RALGPS1: variants seen among roughly 807,000 people sequenced by gnomAD.
RALGPS1 encodes ras-specific guanine nucleotide-releasing factor RalGPS1.
In RALGPS1, 19 loss-of-function variants were observed where a neutral mutation model predicts 78.8. That is an observed-to-expected ratio of 0.24 (90% CI 0.17 to 0.35). The LOEUF (loss-of-function observed/expected upper bound fraction) is 0.35. RALGPS1 is among the 10% of genes least tolerant of loss of function. The pLI, the probability that RALGPS1 is intolerant of heterozygous loss-of-function variation, is 1.00. For synonymous variants in RALGPS1, 228 were observed against 256.3 expected (o/e 0.89, Z 1.06); for missense variants, 454 against 688.3 (o/e 0.66, Z 3.81).
At chr9:127,032,232 A>G (rs2134568749) in intron 4 of RALGPS1, among the ~76,000 whole-genome samples, 1 of 152,334 alleles carries the variant, frequency 6.6e-6, no homozygotes, top group Middle Eastern at 3.4e-3. Context: ...GAAGATAAGC[A>G]TTGTGCAGCT....
At chr9:127,210,585 C>T (rs1376419214) in intron 14 of RALGPS1, 6 of 788,284 alleles carry the variant, frequency 7.6e-6, no homozygotes, top group Admixed American at 4.4e-5. Context: ...GGAGGTTGCT[C>T]TGCGGGACTT....
chr9:126,924,759 C>G (rs762313777), intron 1 of RALGPS1, among the ~76,000 whole-genome samples: 2 of 152,258 alleles, frequency 1.3e-5, no homozygotes, highest in Non-Finnish European at 2.9e-5. Context: ...ATCTGGCCAT[C>G]CATCCATCCA....
intron 5 of RALGPS1, among the ~76,000 whole-genome samples, chr9:127,041,065 G>GTGTGTGTGTA (rs2047267771): frequency 1.3e-5 from 2 of 151,220 alleles, no homozygotes; most frequent in African/African-American, 2.4e-5. Context: ...GTGTGTGTGT[G>GTGTGTGTGTA]TATGTACTAA....
chr9:127,216,483 T>C (rs2131024870), intron 18 of RALGPS1, among the ~76,000 whole-genome samples: 1 of 152,346 alleles, frequency 6.6e-6, no homozygotes, highest in East Asian at 1.9e-4. Flanking sequence ...TGGAAGCCTC[T>C]GTGACCCTTA....
Position 127,056,942 on chromosome 9 carries a change from A to G in RALGPS1, c.483+4003A>G, listed in dbSNP as rs1460756507. On this transcript the variant is annotated intron_variant, in intron 7 of 18. Coordinates refer to ENST00000259351, the MANE Select transcript of RALGPS1 (RefSeq NM_014636.3). ...TGGGACTGGGGAGACCTCATGTGCC[A>G]CAGAGTAGGGAGGTGCAGGTGGCAT... 3.3e-5 allele frequency among the ~76,000 whole-genome samples: 5 copies of G among 152,172 alleles called. No individual in the cohort carries two copies. In the East Asian group the frequency reaches 9.6e-4, roughly 29 times the overall value.
intron 11 of RALGPS1, among the ~76,000 whole-genome samples, chr9:127,175,777 C>T (rs1436056163): frequency 6.6e-6 from 1 of 150,714 alleles, no homozygotes; most frequent in Non-Finnish European, 1.5e-5. Context: ...ATTTGGAAGG[C>T]ACTCGGCTCA....
At chr9:127,003,211 A>G (rs2043511048) in intron 4 of RALGPS1, among the ~76,000 whole-genome samples, 1 of 152,182 alleles carries the variant, frequency 6.6e-6, no homozygotes, top group African/African-American at 2.4e-5. Context: ...ATGGGATCTA[A>G]TTAAACTAAA....
intron 8 of RALGPS1, among the ~76,000 whole-genome samples, chr9:127,104,428 C>T (rs1156763000): frequency 4.6e-5 from 7 of 152,230 alleles, no homozygotes; most frequent in Non-Finnish European, 8.8e-5. Context: ...CTGGAGCCTT[C>T]CTCTTCTAAT....
chr9:127,000,455 C>G (rs2043184161), intron 4 of RALGPS1, among the ~76,000 whole-genome samples: 1 of 147,764 alleles, frequency 6.8e-6, no homozygotes, highest in African/African-American at 2.5e-5. Context: ...GACCCATGAA[C>G]TATTAAAGAT....
chr9:127,012,775 G>C (rs185867917), intron 4 of RALGPS1, among the ~76,000 whole-genome samples: 127 of 152,258 alleles, frequency 8.3e-4, no homozygotes, highest in African/African-American at 3.0e-3. Flanking sequence ...CTTCATGTGG[G>C]GCTGGCTTAG....
chr9:126,999,240 C>G (rs185116574), intron 4 of RALGPS1, among the ~76,000 whole-genome samples: 84 of 152,114 alleles, frequency 5.5e-4, no homozygotes, highest in African/African-American at 2.0e-3. Flanking sequence ...TTCTGTATCT[C>G]CTGACCCCGT....
At chr9:127,209,867 C>G (rs1057194983) in intron 14 of RALGPS1, among the ~76,000 whole-genome samples, 4 of 152,204 alleles carry the variant, frequency 2.6e-5, no homozygotes, top group Non-Finnish European at 5.9e-5. Flanking sequence ...CAAAGGAACT[C>G]TGGGCCTCAT....
At chr9:126,955,639 TATA>T (rs760367038) in intron 1 of RALGPS1, among the ~76,000 whole-genome samples, 20 of 152,160 alleles carry the variant, frequency 1.3e-4, no homozygotes, top group Non-Finnish European at 2.6e-4. Flanking sequence ...TATATTTTAA[TATA>T]ATTTTTTGGT....
In RALGPS1 at chr9:127,115,209, G is replaced by A. The variant is rs2055275617; in HGVS notation, c.610+45853G>A. ...ATTATTATTATTATTATTATTTTGA[G>A]ATGGAGTTTCGCTCTTGTCACCCAG... On this transcript the variant is annotated intron_variant, in intron 8 of 18. Coordinates refer to ENST00000259351, the MANE Select transcript of RALGPS1 (RefSeq NM_014636.3). 2.6e-5 allele frequency among the ~76,000 whole-genome samples: 4 copies of A among 151,756 alleles called. No individual in the cohort carries two copies. In the South Asian group the frequency reaches 8.3e-4, roughly 32 times the overall value.
chr9:127,179,635 C>CA (rs1198585538), intron 11 of RALGPS1, among the ~76,000 whole-genome samples: 1 of 152,194 alleles, frequency 6.6e-6, no homozygotes, highest in African/African-American at 2.4e-5. Context: ...TGCTGTGAGC[C>CA]AGGTGCCCAG....
At chr9:127,056,286 G>GAGCC (rs922472708) in intron 7 of RALGPS1, among the ~76,000 whole-genome samples, 3 of 152,194 alleles carry the variant, frequency 2.0e-5, no homozygotes, top group Non-Finnish European at 4.4e-5. Context: ...TGGTTACAGA[G>GAGCC]AGCCACTTAC....
chr9:127,177,799 G>T lies in RALGPS1; in HGVS notation c.910+3017G>T, dbSNP rs560977861. ...TGACCCCTGACTGTCCTGGAAGTCAGCTGGGCAGCTAGGAGCCAGCCCTGG... is the reference window on the plus strand; with the variant it reads ...TGACCCCTGACTGTCCTGGAAGTCATCTGGGCAGCTAGGAGCCAGCCCTGG... On this transcript the variant is annotated intron_variant, in intron 11 of 18. Coordinates refer to ENST00000259351, the MANE Select transcript of RALGPS1 (RefSeq NM_014636.3). 14 of 1,538,796 alleles carry T rather than the reference G, an allele frequency of 9.1e-6. No homozygotes were observed. In the South Asian group the frequency reaches 1.6e-4, roughly 17 times the overall value.
At chr9:126,921,059 C>T (rs983777970) in intron 1 of RALGPS1, among the ~76,000 whole-genome samples, 1 of 152,210 alleles carries the variant, frequency 6.6e-6, no homozygotes, top group Non-Finnish European at 1.5e-5. Context: ...CAGTGTTTAG[C>T]ACAGTGCCTG....
chr9:127,049,955 A>G (rs975689753), intron 5 of RALGPS1, 88 bp from the exon 6 acceptor site: 5 of 937,142 alleles, frequency 5.3e-6, no homozygotes, highest in Non-Finnish European at 5.3e-6. Context: ...ATCCCATAAC[A>G]GCGGTGGGCA....
Sources: allele counts gnomAD v4.1 joint callset (sites outside exome capture counted in the v4.1 genomes callset), GRCh38; gene constraint gnomAD v4.1.1; transcripts MANE v1.5; gene names NCBI Gene and HGNC (gene_info 2026-07-23, HGNC 2026-07-21).